The following PFKM variants were observed in gnomAD, a reference collection of about 807,000 sequenced individuals.
PFKM encodes ATP-dependent 6-phosphofructokinase, muscle type.
A neutral mutation model predicts 95.5 loss-of-function variants in PFKM; 58 were observed. That is an observed-to-expected ratio of 0.61 (90% CI 0.49 to 0.76). The LOEUF is 0.76. Among genes scored for constraint, PFKM ranks in the 30% least tolerant of loss-of-function variants. The probability of loss-of-function intolerance (pLI) is 0.00; values close to 1 mark genes in which losing one functional copy is unlikely to be tolerated. For missense variants in PFKM, 678 were observed against 1,005.4 expected (o/e 0.67, Z 4.40); for synonymous variants, 336 against 357.2 (o/e 0.94, Z 0.67).
At chr12:48,134,120 G>A (rs1479609416) in intron 6 of PFKM, 112 bp from the exon 7 acceptor site, 1 of 869,566 alleles carries the variant, frequency 1.2e-6, no homozygotes, top group African/African-American at 1.6e-5. Flanking sequence ...CTGCTAGAAG[G>A]CCTGGCAGCA....
intron 17 of PFKM, 37 bp from the exon 18 acceptor site, chr12:48,142,745 A>C (rs759130680): frequency 6.3e-7 from 1 of 1,592,624 alleles, no homozygotes; most frequent in South Asian, 1.1e-5. Context: ...CAGGCCCCTG[A>C]TCATGTCTTT....
At chr12:48,139,387 C>G (rs750392050) in intron 12 of PFKM, 38 bp downstream of exon 12, 1 of 1,543,656 alleles carries the variant, frequency 6.5e-7, no homozygotes, top group South Asian at 1.1e-5. Flanking sequence ...CTACAGAAAT[C>G]AGAGGCGTGA....
At chr12:48,138,236 A>G (rs543723825) in intron 11 of PFKM, among the ~76,000 whole-genome samples, 2 of 152,148 alleles carry the variant, frequency 1.3e-5, no homozygotes, top group Non-Finnish European at 2.9e-5. Context: ...TATGATTTCT[A>G]TCTTGAACAT....
chr12:48,116,597 A>G (rs1048267992), upstream of PFKM, among the ~76,000 whole-genome samples: 2 of 152,044 alleles, frequency 1.3e-5, no homozygotes, highest in Non-Finnish European at 2.9e-5. Context: ...TTGTGCCTCA[A>G]CCTCCTGAGT....
chr12:48,114,330 A>G (rs1266483038), intron 3 of PFKM, among the ~76,000 whole-genome samples: 3 of 152,188 alleles, frequency 2.0e-5, no homozygotes, highest in African/African-American at 7.2e-5. Context: ...GATTCGGGAA[A>G]GGTCTGATAG....
chr12:48,115,231 G>A (rs976384965), upstream of PFKM, among the ~76,000 whole-genome samples: 8 of 152,186 alleles, frequency 5.3e-5, no homozygotes, highest in East Asian at 1.9e-4. Context: ...CTGCTGACCC[G>A]GGTCTTCGGC....
intron 12 of PFKM, 23 bp from the exon 13 acceptor site, chr12:48,139,826 C>G: frequency 6.5e-7 from 1 of 1,545,804 alleles, no homozygotes. Flanking sequence ...GAAGACACCT[C>G]TCTCTATTTG....
intron 7 of PFKM, 60 bp downstream of exon 7, chr12:48,134,336 C>T: frequency 7.1e-7 from 1 of 1,407,654 alleles, no homozygotes; most frequent in Non-Finnish European, 1.0e-6. Context: ...TTTCCTTTTC[C>T]CCAGAGAGTC....
chr12:48,126,712 AT>A (rs1948878335), intron 2 of PFKM, among the ~76,000 whole-genome samples: 1 of 152,114 alleles, frequency 6.6e-6, no homozygotes, highest in Non-Finnish European at 1.5e-5. Context: ...TTTCAGAACA[AT>A]TTTTTCCCTT....
intron 3 of PFKM, among the ~76,000 whole-genome samples, chr12:48,110,857 C>G (rs551506869): frequency 6.6e-6 from 1 of 152,258 alleles, no homozygotes; most frequent in Admixed American, 6.5e-5. Flanking sequence ...CATAGAGGAT[C>G]AGCTCCTGGC....
chr12:48,136,872 G>A (rs1357269679), intron 10 of PFKM, among the ~76,000 whole-genome samples: 1 of 151,524 alleles, frequency 6.6e-6, no homozygotes, highest in East Asian at 1.9e-4. Flanking sequence ...TCCGGCCTCA[G>A]CCTCCTGAGT....
In PFKM at chr12:48,142,898, C is replaced by T. The variant is rs751097669; in HGVS notation, c.1770C>T (p.Ala590=). 43 of 1,613,990 alleles carry T rather than the reference C, an allele frequency of 2.7e-5. No homozygotes were observed. The highest frequency in any genetic ancestry group is 1.9e-4 in the South Asian group (17 of 91,072). The change falls in exon 18 of 23, where the codon GCC becomes GCT. Residue 590 remains alanine (A), a synonymous_variant. Coordinates refer to ENST00000359794, the MANE Select transcript of PFKM (RefSeq NM_000289.6). ...LATMAGLAAG[A]DAAYIFEEPF... is the part of the protein sequence containing the mutation. ...CCATGGCTGGACTGGCAGCTGGGGC[C>T]GATGCTGCCTACATTTTTGAGGAGC...
chr12:48,137,005 C>T lies in PFKM; in HGVS notation c.937-716C>T, dbSNP rs1004333415. 5.3e-5 allele frequency among the ~76,000 whole-genome samples: 8 copies of T among 150,610 alleles called. No homozygotes were observed. The South Asian group carries it at 6.3e-4, about 12-fold the overall frequency. Reference sequence around the variant, plus strand: ...TCCTGACCTTGTGATCTGCCTGCCTCGGCCTCCCAAAACATTGGGATTACT... The same window carrying T: ...TCCTGACCTTGTGATCTGCCTGCCTTGGCCTCCCAAAACATTGGGATTACT... On this transcript the variant is annotated intron_variant, in intron 10 of 22. Coordinates refer to ENST00000359794, the MANE Select transcript of PFKM (RefSeq NM_000289.6).
Position 48,131,223 on chromosome 12 carries a change from A to G in PFKM, c.160-93A>G, listed in dbSNP as rs1284730300. Reference sequence around the variant, plus strand: ...CTCACTAATGGGAGGAGGTGGCTTGACTCTCAGAGAATCTCTTCCCAGGGA... The same window carrying G: ...CTCACTAATGGGAGGAGGTGGCTTGGCTCTCAGAGAATCTCTTCCCAGGGA... On this transcript the variant is annotated intron_variant, in intron 3 of 22. Transcript: ENST00000359794. 3 of 877,896 alleles carry G rather than the reference A, an allele frequency of 3.4e-6. No homozygotes were observed. The African/African-American group carries it at 4.9e-5, about 14-fold the overall frequency. The allele number at this position is 877,896 out of a possible 1,614,324, so 54.4% of individuals were successfully genotyped here.
At chr12:48,142,138 C>T (rs1045849393) in intron 17 of PFKM, 72 bp downstream of exon 17, 6 of 1,364,214 alleles carry the variant, frequency 4.4e-6, no homozygotes, top group Middle Eastern at 1.8e-4. Flanking sequence ...TGGTCCCAAA[C>T]AGTGAGCTAC....
At position 48,146,240 on chromosome 12, in the gene PFKM, A is replaced by G. The variant is rs927525907; in HGVS notation, c.*532A>G. On this transcript the variant is annotated 3_prime_UTR_variant, in exon 23 of 23. Transcript: ENST00000359794. Reference sequence around the variant, plus strand: ...TGGAGGAAGGGATTATCTCTAGTACACTACTTGCTGGCTGTCTGAAAAATT... The same window carrying G: ...TGGAGGAAGGGATTATCTCTAGTACGCTACTTGCTGGCTGTCTGAAAAATT... The G allele has an allele frequency of 1.2e-5, 2 of 163,274 alleles. No homozygotes were observed. Among genetic ancestry groups the G allele is most frequent in the African/African-American group, 2.4e-5 (1 of 41,552 alleles). 10.1% of individuals were successfully genotyped at this position (163,274 alleles called of 1,614,324 possible). A position where few individuals can be genotyped will look rare whatever the true frequency, so the allele number is the denominator to read the frequency against.
chr12:48,108,206 G>A, intron 3 of PFKM: 1 of 1,594,510 alleles, frequency 6.3e-7, no homozygotes, highest in Non-Finnish European at 8.5e-7. Flanking sequence ...TGAGGCATGT[G>A]GGTCAACAGT....
At chr12:48,133,221 C>T in intron 5 of PFKM, 94 bp from the exon 6 acceptor site, 1 of 1,325,386 alleles carries the variant, frequency 7.5e-7, no homozygotes, top group Admixed American at 1.7e-5. Context: ...GTCTACAATT[C>T]CTTTTGGCTA....
chr12:48,118,556 G>T, upstream of PFKM: 1 of 1,516,274 alleles, frequency 6.6e-7, no homozygotes, highest in Non-Finnish European at 8.9e-7. Context: ...CCCGACTGTG[G>T]AGACAATGAA....
Sources: allele counts gnomAD v4.1 joint callset (sites outside exome capture counted in the v4.1 genomes callset), GRCh38; gene constraint gnomAD v4.1.1; transcripts MANE v1.5; gene names NCBI Gene and HGNC (gene_info 2026-07-23, HGNC 2026-07-21).